STARD13: variants seen among roughly 807,000 people sequenced by gnomAD.
STARD13 encodes StAR related lipid transfer domain containing 13, also known as stAR-related lipid transfer protein 13.
Under a neutral mutation model 106.4 loss-of-function variants are expected in STARD13, and 62 were observed. The ratio of observed to expected loss-of-function variants is 0.58; its 90% CI spans 0.48 to 0.72. STARD13 has a LOEUF of 0.72. Among genes scored for constraint, STARD13 ranks in the 30% least tolerant of loss-of-function variants. The pLI is 0.00. For synonymous variants in STARD13, 565 were observed against 553.0 expected, an observed-to-expected ratio of 1.02 and a Z score of -0.31; for missense variants, 1,387 against 1,424.0, an observed-to-expected ratio of 0.97 and a Z score of 0.42.
chr13:33,105,360 A>ATG lies in STARD13; in HGVS notation c.*232_*233insCA, dbSNP rs1442368945. ...CCATTTAATTTTAAGTAATATATAT[A>ATG]AAGTTCTCATTTTAAAATTATATTA... On this transcript the variant is annotated 3_prime_UTR_variant, in exon 14 of 14. Transcript: ENST00000336934. 6 of 494,476 alleles carry ATG rather than the reference A, an allele frequency of 1.2e-5. No individual in the cohort carries two copies. The highest frequency in any genetic ancestry group is 1.9e-5 in the African/African-American group (1 of 52,622). The allele number at this position is 494,476 out of a possible 1,614,324, so 30.6% of individuals were successfully genotyped here.
the STARD13 span, chr13:33,659,912 A>G: frequency 6.6e-6 from 1 of 152,214 alleles, no homozygotes; most frequent in Non-Finnish European, 1.5e-5. Context: ...AACCAAAATA[A>G]AGGATTTAAA....
At chr13:33,368,276 C>G in the STARD13 span, among the ~76,000 whole-genome samples, 1 of 152,194 alleles carries the variant, frequency 6.6e-6, no homozygotes, top group Non-Finnish European at 1.5e-5. Flanking sequence ...TGAAATGGTA[C>G]TCCTGAGAAT....
chr13:33,248,196 T>A (rs1045500569), intron 1 of STARD13, among the ~76,000 whole-genome samples: 1 of 151,932 alleles, frequency 6.6e-6, no homozygotes, highest in Non-Finnish European at 1.5e-5. Context: ...GTCCAGGAGT[T>A]CAAGACCAGC....
At chr13:33,251,847 CT>C (rs1179009181) in intron 1 of STARD13, among the ~76,000 whole-genome samples, 1 of 152,180 alleles carries the variant, frequency 6.6e-6, no homozygotes, top group Non-Finnish European at 1.5e-5. Context: ...TCAAGTAAGG[CT>C]GCTACTTACA....
chr13:33,279,817 A>G (rs898030655), intron 1 of STARD13: 1 of 152,210 alleles, frequency 6.6e-6, no homozygotes, highest in Non-Finnish European at 1.5e-5. Context: ...AATTTTTAAA[A>G]TGTTAGTCAA....
chr13:33,420,296 G>A, the STARD13 span, among the ~76,000 whole-genome samples: 1 of 152,166 alleles, frequency 6.6e-6, no homozygotes. Flanking sequence ...AAAAGCAGGT[G>A]TTGCAATCCT....
chr13:33,499,596 T>TC, the STARD13 span, among the ~76,000 whole-genome samples: 164 of 57,332 alleles, frequency 2.9e-3, 9 homozygotes, highest in African/African-American at 8.9e-3. Flanking sequence ...TTCTTCTTCT[T>TC]CTTCTTCTTT....
the STARD13 span, among the ~76,000 whole-genome samples, chr13:33,406,161 C>T: frequency 1.3e-5 from 2 of 152,216 alleles, no homozygotes; most frequent in African/African-American, 2.4e-5. Context: ...AGCTACTCCT[C>T]TATATTGTTA....
chr13:33,650,481 C>T, the STARD13 span, among the ~76,000 whole-genome samples: 20 of 152,012 alleles, frequency 1.3e-4, no homozygotes, highest in African/African-American at 4.3e-4. Flanking sequence ...TGAGCCACCG[C>T]GCCCGGCCGA....
At chr13:33,352,724 G>A (rs145434696), upstream of STARD13, among the ~76,000 whole-genome samples, 609 of 152,314 alleles carry the variant, frequency 4.0e-3, 5 homozygotes, top group African/African-American at 0.012. Context: ...TGCCAGCCCC[G>A]GCTGCTGGCC....
At chr13:33,643,174 C>A in the STARD13 span, among the ~76,000 whole-genome samples, 1 of 132,118 alleles carries the variant, frequency 7.6e-6, no homozygotes, top group South Asian at 2.2e-4. Context: ...CACACACACA[C>A]ACACACACAC....
chr13:33,621,462 G>A, the STARD13 span, among the ~76,000 whole-genome samples: 3 of 152,074 alleles, frequency 2.0e-5, no homozygotes, highest in Non-Finnish European at 2.9e-5. Context: ...CAGATCACCA[G>A]GTCAGGAGGT....
rs1873394684 is a variant in STARD13, at chr13:33,103,985, T to C, written c.*1608A>G. Reference sequence around the variant, plus strand: ...AAACTGTAAGATTTTCCTCGCACCATACCAAACTCATAGAAAGCTTTTTTA... The same window carrying C: ...AAACTGTAAGATTTTCCTCGCACCACACCAAACTCATAGAAAGCTTTTTTA... On this transcript the variant is annotated 3_prime_UTR_variant, in exon 14 of 14. Coordinates refer to ENST00000336934, the MANE Select transcript of STARD13 (RefSeq NM_178006.4). The C allele has an allele frequency of 6.6e-6, 1 of 152,220 alleles. No homozygotes were observed. Among genetic ancestry groups the C allele is most frequent in the South Asian group, 2.1e-4 (1 of 4,834 alleles). The allele number at this position is 152,220 out of a possible 1,614,324, so 9.4% of individuals were successfully genotyped here. A position where few individuals can be genotyped will look rare whatever the true frequency, so the allele number is the denominator to read the frequency against.
chr13:33,244,986 G>T (rs1889749078), intron 1 of STARD13, among the ~76,000 whole-genome samples: 1 of 152,176 alleles, frequency 6.6e-6, no homozygotes, highest in Non-Finnish European at 1.5e-5. Flanking sequence ...TCTGAAGTGA[G>T]GAAGAAAGAA....
chr13:33,662,204 G>C, the STARD13 span, among the ~76,000 whole-genome samples: 4 of 151,444 alleles, frequency 2.6e-5, no homozygotes, highest in Non-Finnish European at 5.9e-5. Flanking sequence ...GGAGCTTGCA[G>C]TGAGCCGAGA....
intron 7 of STARD13, among the ~76,000 whole-genome samples, chr13:33,124,547 T>C (rs1022016173): frequency 2.0e-5 from 3 of 152,190 alleles, no homozygotes; most frequent in African/African-American, 7.2e-5. Context: ...TTTGGTGCCC[T>C]GTGTCTTTCT....
chr13:33,665,542 T>C, the STARD13 span, among the ~76,000 whole-genome samples: 1 of 152,242 alleles, frequency 6.6e-6, no homozygotes, highest in Non-Finnish European at 1.5e-5. Flanking sequence ...ACCAGCTCCC[T>C]TCTCCTGCCA....
intron 3 of STARD13, among the ~76,000 whole-genome samples, chr13:33,164,970 C>T (rs1256182859): frequency 6.6e-6 from 1 of 152,180 alleles, no homozygotes; most frequent in East Asian, 1.9e-4. Flanking sequence ...CTTCCCTCTA[C>T]TGACCCATCC....
chr13:33,269,007 T>A (rs1277358083), intron 1 of STARD13, among the ~76,000 whole-genome samples: 3 of 152,176 alleles, frequency 2.0e-5, no homozygotes, highest in Non-Finnish European at 4.4e-5. Flanking sequence ...AGCAAAAAGT[T>A]TTGACAAGCC....
Sources: gnomAD v4.1 joint callset for allele counts (sites outside exome capture counted in the v4.1 genomes callset) on GRCh38, gnomAD v4.1.1 for gene constraint, MANE v1.5 for transcripts, NCBI Gene and HGNC (gene_info 2026-07-23, HGNC 2026-07-21) for gene names.